TENM3: variants seen among roughly 807,000 people sequenced by gnomAD.
TENM3 encodes the protein teneurin-3.
In TENM3, 63 loss-of-function variants were observed where a neutral mutation model predicts 255.1. The observed-to-expected ratio is 0.25, with a 90% CI of 0.20 to 0.30. The LOEUF (loss-of-function observed/expected upper bound fraction) is 0.30. Ranked by LOEUF, TENM3 falls within the 10% of genes least tolerant of loss-of-function variation. The pLI is 1.00. For missense variants in TENM3, 2,929 were observed against 3,461.1 expected, an observed-to-expected ratio of 0.85 and a Z score of 3.86; for synonymous variants, 1,306 against 1,322.3, an observed-to-expected ratio of 0.99 and a Z score of 0.27.
chr4:182,389,505 T>A (rs1768255273), intron 3 of TENM3, among the ~76,000 whole-genome samples: 1 of 152,074 alleles, frequency 6.6e-6, no homozygotes, highest in African/African-American at 2.4e-5. Flanking sequence ...ACTTTAAAAA[T>A]TAGCCATTTT....
intron 1 of TENM3, among the ~76,000 whole-genome samples, chr4:182,248,659 A>T (rs1757803111): frequency 6.6e-6 from 1 of 152,224 alleles, no homozygotes; most frequent in South Asian, 2.1e-4. Context: ...TAGCATCTGC[A>T]TTGAGTGGAT....
chr4:182,698,009 A>G (rs1228198495), intron 12 of TENM3: 1 of 152,086 alleles, frequency 6.6e-6, no homozygotes, highest in Non-Finnish European at 1.5e-5. Flanking sequence ...TTGTCTTTAC[A>G]TACACCAATT....
chr4:181,559,447 A>G, the TENM3 span, among the ~76,000 whole-genome samples: 1 of 152,206 alleles, frequency 6.6e-6, no homozygotes, highest in Admixed American at 6.5e-5. Flanking sequence ...CTAGACTCAG[A>G]AGACTTGAGT....
chr4:181,797,238 G>A, the TENM3 span, among the ~76,000 whole-genome samples: 4 of 149,918 alleles, frequency 2.7e-5, no homozygotes, highest in Admixed American at 6.7e-5. Flanking sequence ...TACTGATAAC[G>A]TGACCTCTTA....
At chr4:182,457,672 C>T (rs1773988353) in intron 3 of TENM3, among the ~76,000 whole-genome samples, 1 of 150,214 alleles carries the variant, frequency 6.7e-6, no homozygotes, top group African/African-American at 2.4e-5. Context: ...ATCCTCTCAC[C>T]TCAGCCTTGC....
chr4:182,310,901 G>T (rs1762403601), intron 1 of TENM3, among the ~76,000 whole-genome samples: 5 of 152,096 alleles, frequency 3.3e-5, no homozygotes, highest in Admixed American at 2.0e-4. Flanking sequence ...GTAGAGATGG[G>T]GTTTCACCAT....
chr4:182,293,518 GC>G, intron 1 of TENM3, among the ~76,000 whole-genome samples: 1 of 152,206 alleles, frequency 6.6e-6, no homozygotes, highest in African/African-American at 2.4e-5. Context: ...GTCAAAGTTG[GC>G]GAGACCTAAT....
the TENM3 span, among the ~76,000 whole-genome samples, chr4:181,690,958 T>C: frequency 1.3e-5 from 2 of 152,162 alleles, no homozygotes; most frequent in African/African-American, 4.8e-5. Flanking sequence ...TAAAGAAAAA[T>C]ATATGACGGC....
At chr4:182,520,432 G>A (rs1478631406) in intron 3 of TENM3, among the ~76,000 whole-genome samples, 5 of 152,160 alleles carry the variant, frequency 3.3e-5, no homozygotes, top group African/African-American at 9.6e-5. Context: ...TATTTAGGGT[G>A]TTTGGTCTCA....
chr4:181,751,426 A>C, the TENM3 span, among the ~76,000 whole-genome samples: 1 of 151,824 alleles, frequency 6.6e-6, no homozygotes, highest in African/African-American at 2.4e-5. Context: ...AAAAAAAAAA[A>C]AAAAAAACAA....
chr4:181,846,929 G>A, the TENM3 span, among the ~76,000 whole-genome samples: 1 of 152,158 alleles, frequency 6.6e-6, no homozygotes. Context: ...GGTAAATTGT[G>A]GCAATGGAAT....
intron 6 of TENM3, among the ~76,000 whole-genome samples, chr4:182,668,101 A>G (rs984723113): frequency 2.6e-5 from 4 of 152,104 alleles, no homozygotes; most frequent in Non-Finnish European, 5.9e-5. Flanking sequence ...TAAATACCCC[A>G]TTGTTAACCC....
At chr4:182,448,409 C>T (rs537933032) in intron 3 of TENM3, among the ~76,000 whole-genome samples, 3 of 152,186 alleles carry the variant, frequency 2.0e-5, no homozygotes, top group African/African-American at 7.2e-5. Flanking sequence ...CCGGGCCCGC[C>T]TGGCAGGCAG....
At chr4:181,705,642 TG>T in the TENM3 span, among the ~76,000 whole-genome samples, 229 of 152,346 alleles carry the variant, frequency 1.5e-3, 2 homozygotes, top group African/African-American at 5.2e-3. Flanking sequence ...TAATCCATGC[TG>T]GGCTTAATAA....
intron 1 of TENM3, among the ~76,000 whole-genome samples, chr4:182,262,833 C>T (rs1041952240): frequency 2.6e-5 from 4 of 151,580 alleles, no homozygotes; most frequent in Non-Finnish European, 4.4e-5. Flanking sequence ...CCTGCTTCAG[C>T]CTCCCGAGCA....
intron 7 of TENM3, among the ~76,000 whole-genome samples, chr4:182,679,077 G>A (rs1755890904): frequency 6.6e-6 from 1 of 152,110 alleles, no homozygotes; most frequent in Non-Finnish European, 1.5e-5. Context: ...GGGGCTAGGG[G>A]AGGGATAGCA....
chr4:182,765,366 C>G (rs1763617312), intron 22 of TENM3, among the ~76,000 whole-genome samples: 1 of 152,196 alleles, frequency 6.6e-6, no homozygotes, highest in Non-Finnish European at 1.5e-5. Context: ...GATCCACTTT[C>G]TCCTACTGGA....
chr4:181,597,101 T>G, the TENM3 span, among the ~76,000 whole-genome samples: 1 of 152,252 alleles, frequency 6.6e-6, no homozygotes, highest in South Asian at 2.1e-4. Flanking sequence ...TGTACAGTTG[T>G]ATTCAACCAT....
At position 182,503,437 on chromosome 4, in the gene TENM3, G is replaced by T. The variant is rs551882114; in HGVS notation, c.512-97487G>T. ...GCCCCTTGCTTATTTGTGTGTATAG[G>T]TTAGACATACTTCTGCTGCAGGGTC... On this transcript the variant is annotated intron_variant, in intron 3 of 27. Coordinates refer to ENST00000511685, the MANE Select transcript of TENM3 (RefSeq NM_001080477.4). Among the ~76,000 whole-genome samples the T allele has an allele frequency of 3.3e-5, 5 of 152,214 alleles. No homozygotes were observed. In the South Asian group the frequency reaches 1.0e-3, roughly 32 times the overall value.
Sources: allele counts gnomAD v4.1 joint callset (sites outside exome capture counted in the v4.1 genomes callset), GRCh38; gene constraint gnomAD v4.1.1; transcripts MANE v1.5; gene names NCBI Gene and HGNC (gene_info 2026-07-23, HGNC 2026-07-21).